The following BMAL1 variants were observed in gnomAD, a reference collection of about 807,000 sequenced individuals.
BMAL1 encodes the protein basic helix-loop-helix ARNT like 1.
At chr11:13,338,806 G>A in the BMAL1 span, among the ~76,000 whole-genome samples, 3 of 152,198 alleles carry the variant, frequency 2.0e-5, no homozygotes, top group Admixed American at 2.0e-4. Context: ...AGGTCGTTAC[G>A]AGGACCAAAG....
the BMAL1 span, among the ~76,000 whole-genome samples, chr11:13,352,709 G>A: frequency 1.3e-5 from 2 of 152,190 alleles, no homozygotes; most frequent in Non-Finnish European, 2.9e-5. Flanking sequence ...GCTTATCAAA[G>A]TGAAAAAATG....
chr11:13,377,718 CCA>C, the BMAL1 span, among the ~76,000 whole-genome samples: 1 of 152,192 alleles, frequency 6.6e-6, no homozygotes, highest in Non-Finnish European at 1.5e-5. Context: ...ACCTGCTGCC[CCA>C]GTTTCATCTA....
At chr11:13,366,682 G>C in the BMAL1 span, 1 of 1,613,988 alleles carries the variant, frequency 6.2e-7, no homozygotes, top group Non-Finnish European at 8.5e-7. Context: ...TGATTGGTCA[G>C]AGTTTGTTTG....
chr11:13,292,230 C>CT, the BMAL1 span, among the ~76,000 whole-genome samples: 8 of 149,758 alleles, frequency 5.3e-5, no homozygotes, highest in South Asian at 4.2e-4. Flanking sequence ...GAATGGAACA[C>CT]TTTTTTTTTT....
the BMAL1 span, among the ~76,000 whole-genome samples, chr11:13,342,767 T>C: frequency 6.6e-6 from 1 of 152,202 alleles, no homozygotes; most frequent in Non-Finnish European, 1.5e-5. Flanking sequence ...ATTTCTTAGA[T>C]TGCATGGAGG....
chr11:13,372,103 C>T, the BMAL1 span: 35 of 1,599,172 alleles, frequency 2.2e-5, 1 homozygote, highest in South Asian at 2.3e-4. Context: ...CACCATCGGC[C>T]GTGTACACCT....
the BMAL1 span, among the ~76,000 whole-genome samples, chr11:13,372,781 C>T: frequency 4.6e-5 from 7 of 151,830 alleles, no homozygotes; most frequent in Admixed American, 2.6e-4. Flanking sequence ...ACTGCACTTC[C>T]GCCTGGGCAA....
At chr11:13,323,336 CCAA>C in the BMAL1 span, among the ~76,000 whole-genome samples, 4 of 152,190 alleles carry the variant, frequency 2.6e-5, no homozygotes, top group Admixed American at 2.6e-4. Context: ...TCCTGAGCCC[CCAA>C]CTCCCATACC....
chr11:13,294,403 T>C, the BMAL1 span, among the ~76,000 whole-genome samples: 1 of 13,418 alleles, frequency 7.5e-5, no homozygotes, highest in African/African-American at 1.4e-4. Flanking sequence ...TTCCTATTTT[T>C]CAACGAGTGT....
At chr11:13,287,666 C>A in the BMAL1 span, among the ~76,000 whole-genome samples, 1 of 152,168 alleles carries the variant, frequency 6.6e-6, no homozygotes, top group Non-Finnish European at 1.5e-5. Flanking sequence ...TTTTTGACAT[C>A]TGTGTTTTTC....
chr11:13,381,191 C>T, the BMAL1 span: 1 of 1,614,176 alleles, frequency 6.2e-7, no homozygotes, highest in Non-Finnish European at 8.5e-7. Flanking sequence ...CTAGCTGTGG[C>T]TCCAGCCCAT....
At chr11:13,358,754 T>A in the BMAL1 span, among the ~76,000 whole-genome samples, 1 of 152,248 alleles carries the variant, frequency 6.6e-6, no homozygotes, top group Non-Finnish European at 1.5e-5. Flanking sequence ...CCAAATGAAG[T>A]GATTATTGAG....
chr11:13,334,818 C>G, the BMAL1 span, among the ~76,000 whole-genome samples: 3 of 152,196 alleles, frequency 2.0e-5, no homozygotes, highest in Admixed American at 6.5e-5. Flanking sequence ...TTCCAGGAGT[C>G]TAGAGAAAGA....
At chr11:13,318,516 T>G in the BMAL1 span, among the ~76,000 whole-genome samples, 1 of 151,542 alleles carries the variant, frequency 6.6e-6, no homozygotes, top group Non-Finnish European at 1.5e-5. Flanking sequence ...TTTATGGTGT[T>G]GTAAATTTGA....
the BMAL1 span, among the ~76,000 whole-genome samples, chr11:13,326,164 AC>A: frequency 6.6e-6 from 1 of 150,726 alleles, no homozygotes; most frequent in African/African-American, 2.4e-5. Flanking sequence ...ATATCATGCC[AC>A]CGCACTCCAG....
chr11:13,312,858 G>A, the BMAL1 span, among the ~76,000 whole-genome samples: 1 of 152,192 alleles, frequency 6.6e-6, no homozygotes, highest in East Asian at 1.9e-4. Flanking sequence ...TGGCATCATG[G>A]TTATAGAGGT....
At chr11:13,327,669 C>A in the BMAL1 span, among the ~76,000 whole-genome samples, 1 of 152,114 alleles carries the variant, frequency 6.6e-6, no homozygotes, top group Admixed American at 6.6e-5. Context: ...CTGATTGTTA[C>A]CATCATCGTG....
the BMAL1 span, among the ~76,000 whole-genome samples, chr11:13,371,710 C>A: frequency 6.6e-6 from 1 of 152,204 alleles, no homozygotes; most frequent in Non-Finnish European, 1.5e-5. Context: ...ACCTGCCTTT[C>A]CAATTTGCCC....
At chr11:13,365,094 G>C in the BMAL1 span, among the ~76,000 whole-genome samples, 1 of 148,832 alleles carries the variant, frequency 6.7e-6, no homozygotes, top group Admixed American at 6.6e-5. Context: ...TTGGAGAGGG[G>C]ATTCTTGAAG....
Sources: gnomAD v4.1 joint callset for allele counts (sites outside exome capture counted in the v4.1 genomes callset) on GRCh38, gnomAD v4.1.1 for gene constraint, MANE v1.5 for transcripts, NCBI Gene and HGNC (gene_info 2026-07-23, HGNC 2026-07-21) for gene names.